Variants in STC2 observed in about 807,000 individuals in gnomAD.
STC2 encodes stanniocalcin-2.
STC2 carries 7 observed loss-of-function variants against 22.7 expected under a neutral mutation model. The ratio of observed to expected loss-of-function variants is 0.31; its 90% CI spans 0.18 to 0.58. The LOEUF (loss-of-function observed/expected upper bound fraction) is 0.58, where lower values mean the gene tolerates loss of function less well. Ranked by LOEUF, STC2 falls within the 20% of genes least tolerant of loss-of-function variation. The pLI, the probability that STC2 is intolerant of heterozygous loss-of-function variation, is 0.89. For missense variants in STC2, 336 were observed against 406.2 expected, an observed-to-expected ratio of 0.83 and a Z score of 1.48; for synonymous variants, 158 against 163.4, an observed-to-expected ratio of 0.97 and a Z score of 0.25.
chr5:173,320,234 T>TC (rs1762468058), intron 3 of STC2, among the ~76,000 whole-genome samples: 1 of 152,180 alleles, frequency 6.6e-6, no homozygotes, highest in African/African-American at 2.4e-5. Flanking sequence ...AGACTGTCTT[T>TC]CGCCTTCCCG....
rs1762514220 is a variant in STC2, at chr5:173,323,809, A to G, written c.295-379T>C. ...GAACACAAAGGGAATTTGGCCAGAC[A>G]CAAATCCATAAATCCCTCACGGTTC... is the stretch of plus-strand genomic sequence containing the variant. On this transcript the variant is annotated intron_variant, in intron 2 of 3. Transcript: ENST00000265087. The surrounding 1 kb of genome is among the most constrained non-coding windows in gnomAD (Gnocchi z 5.4). Among the ~76,000 whole-genome samples, 1 of 152,084 alleles carries G rather than the reference A, an allele frequency of 6.6e-6. No individual in the cohort carries two copies. The highest frequency in any genetic ancestry group is 1.9e-4 in the East Asian group (1 of 5,174).
intron 1 of STC2, chr5:173,326,750 T>G (rs1191514454): frequency 6.6e-6 from 1 of 152,098 alleles, no homozygotes; most frequent in Non-Finnish European, 1.5e-5. Flanking sequence ...GGAGGAAGCT[T>G]GCAGCCCTTC....
chr5:173,328,222 G>C lies in STC2; in HGVS notation c.-29C>G, dbSNP rs370613445. 1.8e-5 allele frequency: 26 copies of C among 1,432,056 alleles called. No homozygotes were observed. Among genetic ancestry groups the C allele is most frequent in the Non-Finnish European group, 2.1e-5 (23 of 1,083,432 alleles). The allele number at this position is 1,432,056 out of a possible 1,614,324, so 88.7% of individuals were successfully genotyped here. ...TCTTGGTATTAACCTCCCGTCGGGAGACCTGGATCCTTTGTGCTCCCCTCT... is the reference window on the plus strand; with the variant it reads ...TCTTGGTATTAACCTCCCGTCGGGACACCTGGATCCTTTGTGCTCCCCTCT... On this transcript the variant is annotated 5_prime_UTR_variant, in exon 1 of 4. Transcript: ENST00000265087.
intron 3 of STC2, 137 bp from the exon 4 acceptor site, chr5:173,318,386 C>G: frequency 1.1e-6 from 1 of 905,110 alleles, no homozygotes; most frequent in Non-Finnish European, 1.5e-6. Context: ...GTCTTGGGTT[C>G]GGTGGAAGAT....
At chr5:173,327,910 G>T in intron 1 of STC2, 133 bp downstream of exon 1, 2 of 1,202,894 alleles carry the variant, frequency 1.7e-6, no homozygotes, top group Non-Finnish European at 2.2e-6. Context: ...CCCTTTGCAC[G>T]TCCCGTGCCA....
Position 173,316,827 on chromosome 5 carries a change from G to A in STC2, c.*1020C>T, listed in dbSNP as rs1017621714. The A allele has an allele frequency of 7.2e-5, 11 of 152,196 alleles. No homozygotes were observed. The highest frequency in any genetic ancestry group is 2.4e-4 in the African/African-American group (10 of 41,436). 9.4% of individuals were successfully genotyped at this position (152,196 alleles called of 1,614,324 possible). A position where few individuals can be genotyped will look rare whatever the true frequency, so the allele number is the denominator to read the frequency against. On this transcript the variant is annotated 3_prime_UTR_variant, in exon 4 of 4. Transcript: ENST00000265087. Reference sequence around the variant, plus strand: ...ACCAATCTTGGCTGAGGGTCAAGGTGAGATAACGAAATCCTAAGGGAAATT... The same window carrying A: ...ACCAATCTTGGCTGAGGGTCAAGGTAAGATAACGAAATCCTAAGGGAAATT...
At position 173,316,211 on chromosome 5, in the gene STC2, C is replaced by G. The variant is rs1762418819; in HGVS notation, c.*1636G>C. 1 of 152,290 alleles carries G rather than the reference C, an allele frequency of 6.6e-6. No individual in the cohort carries two copies. Among genetic ancestry groups the G allele is most frequent in the Middle Eastern group, 3.4e-3 (1 of 294 alleles). 9.4% of individuals were successfully genotyped at this position (152,290 alleles called of 1,614,324 possible). The stretch of plus-strand genomic sequence containing the variant: ...TTAAATAAATCTTCCTGGAAGGGAG[C>G]CAAGCCCTCTCGTTTGTGTGTTGTC... On this transcript the variant is annotated 3_prime_UTR_variant, in exon 4 of 4. Coordinates refer to ENST00000265087, the MANE Select transcript of STC2 (RefSeq NM_003714.3).
In STC2 at chr5:173,318,021, G is replaced by A. The variant is rs780130118; in HGVS notation, c.735C>T (p.His245=). The A allele has an allele frequency of 1.2e-6, 2 of 1,612,658 alleles. No homozygotes were observed. Among genetic ancestry groups the A allele is most frequent in the Admixed American group, 3.3e-5 (2 of 60,010 alleles). The stretch of plus-strand genomic sequence containing the variant: ...TCTCCCTACTGCTGGGCTCTGGGAG[G>A]TGATGTCCTGCTTCCCCGTGGTGGG... ...SRAHHGEAGH[H]LPEPSSRETG... is the part of the protein sequence containing the mutation. Residue 245 remains histidine (H), a synonymous_variant, in exon 4 of 4, where the codon CAC becomes CAT. Transcript: ENST00000265087.
At chr5:173,327,954 T>C in intron 1 of STC2, 89 bp downstream of exon 1, 1 of 1,380,332 alleles carries the variant, frequency 7.2e-7, no homozygotes, top group Non-Finnish European at 9.4e-7. Context: ...GGTGGGCGCC[T>C]GGCTCCCGGC....
At position 173,325,461 on chromosome 5, in the gene STC2, G is replaced by A. The variant is rs906039252; in HGVS notation, c.294+407C>T. 6.6e-6 allele frequency among the ~76,000 whole-genome samples: 1 copy of A among 152,164 alleles called. No individual in the cohort carries two copies. Among genetic ancestry groups the A allele is most frequent in the African/African-American group, 2.4e-5 (1 of 41,434 alleles). On this transcript the variant is annotated intron_variant, in intron 2 of 3. Coordinates refer to ENST00000265087, the MANE Select transcript of STC2 (RefSeq NM_003714.3). The surrounding 1 kb of genome is among the most constrained non-coding windows in gnomAD (Gnocchi z 4.7). ...TCTTTTGGAGGTCCTGAGTTATTCG[G>A]GTTGGCTGCCCACACACCACATGAC...
chr5:173,320,045 T>G (rs948879035), intron 3 of STC2, among the ~76,000 whole-genome samples: 1 of 152,232 alleles, frequency 6.6e-6, no homozygotes, highest in Non-Finnish European at 1.5e-5. Context: ...GAGCTCAAGT[T>G]CACCGAGTGT....
At chr5:173,318,463 G>A (rs1192038687) in intron 3 of STC2, among the ~76,000 whole-genome samples, 1 of 152,166 alleles carries the variant, frequency 6.6e-6, no homozygotes, top group East Asian at 1.9e-4. Flanking sequence ...AACACTTATT[G>A]GGTGGCCACT....
At position 173,325,646 on chromosome 5, in the gene STC2, T is replaced by C. The variant is rs1193278348; in HGVS notation, c.294+222A>G. Among the ~76,000 whole-genome samples, 1 of 152,224 alleles carries C rather than the reference T, an allele frequency of 6.6e-6. No homozygotes were observed. The highest frequency in any genetic ancestry group is 1.5e-5 in the Non-Finnish European group (1 of 68,038). ...GTCCCCTTACAAGGTGTTTATCGTT[T>C]ATTATGACATTGGTCTCCAGTCCAC... On this transcript the variant is annotated intron_variant, in intron 2 of 3. Coordinates refer to ENST00000265087, the MANE Select transcript of STC2 (RefSeq NM_003714.3). This position sits in a 1 kb window ranked among gnomAD's most constrained non-coding sequence, Gnocchi z 4.7.
intron 2 of STC2, among the ~76,000 whole-genome samples, chr5:173,324,512 T>G (rs1762522697): frequency 2.6e-5 from 4 of 152,214 alleles, no homozygotes; most frequent in Admixed American, 2.6e-4. Context: ...TGTCTACAGA[T>G]AGCGTCTGAT....
At position 173,316,041 on chromosome 5, in the gene STC2, G is replaced by A. The variant is rs1338743498; in HGVS notation, c.*1806C>T. ...GAACAAGTCATTTTAGAGCAGATAC[G>A]CTTGGTTTCTTGGTGTCTGGCCTCA... On this transcript the variant is annotated 3_prime_UTR_variant, in exon 4 of 4. Coordinates refer to ENST00000265087, the MANE Select transcript of STC2 (RefSeq NM_003714.3). The A allele has an allele frequency of 1.3e-5, 2 of 152,278 alleles. No individual in the cohort carries two copies. Among genetic ancestry groups the A allele is most frequent in the Admixed American group, 6.5e-5 (1 of 15,292 alleles). 9.4% of individuals were successfully genotyped at this position (152,278 alleles called of 1,614,324 possible).
In STC2 at chr5:173,325,889, G is replaced by C. The variant is rs748039896; in HGVS notation, c.273C>G (p.Asn91Lys). 9 of 1,614,050 alleles carry C rather than the reference G, an allele frequency of 5.6e-6. No homozygotes were observed. The highest frequency in any genetic ancestry group is 6.8e-6 in the Non-Finnish European group (8 of 1,180,048). The change falls in exon 2 of 4, where the codon AAC becomes AAG. Residue 91 changes from asparagine to lysine, a missense_variant. Transcript: ENST00000265087. The surrounding 1 kb of genome is among the most constrained non-coding windows in gnomAD (Gnocchi z 4.7). ...LHGICMTFLH[N>K]AGKFDAQGKS... is the part of the protein sequence containing the mutation. ...TTACCTGGGCATCAAATTTTCCAGC[G>C]TTGTGCAGAAAAGTCATGCAAATCC...
intron 3 of STC2, among the ~76,000 whole-genome samples, chr5:173,322,666 T>G (rs1581139468): frequency 6.6e-6 from 1 of 152,314 alleles, no homozygotes. Flanking sequence ...GGCAGACTGC[T>G]CAGCAGACTG....
rs1252084929 is a variant in STC2, at chr5:173,323,577, C to CA, written c.295-148dup. 4.2e-5 allele frequency: 32 copies of CA among 768,968 alleles called. No individual in the cohort carries two copies. The highest frequency in any genetic ancestry group is 6.6e-5 in the Non-Finnish European group (31 of 472,450). 47.6% of individuals were successfully genotyped at this position (768,968 alleles called of 1,614,324 possible). A position where few individuals can be genotyped will look rare whatever the true frequency, so the allele number is the denominator to read the frequency against. Reference sequence around the variant, plus strand: ...GCCCCACCAGAGACGGACGTCCTCCCAGGTGACAGGCAATGCGACATCCGG... The same window carrying CA: ...GCCCCACCAGAGACGGACGTCCTCCCAAGGTGACAGGCAATGCGACATCCGG... On this transcript the variant is annotated intron_variant, in intron 2 of 3. Coordinates refer to ENST00000265087, the MANE Select transcript of STC2 (RefSeq NM_003714.3). The surrounding 1 kb of genome is among the most constrained non-coding windows in gnomAD (Gnocchi z 5.4).
rs1196208274 is a variant in STC2, at chr5:173,318,224, G to A, written c.532C>T (p.Leu178=). 6 of 1,504,268 alleles carry A rather than the reference G, an allele frequency of 4.0e-6. No individual in the cohort carries two copies. In the Admixed American group the frequency reaches 1.1e-4, roughly 28 times the overall value. The allele number at this position is 1,504,268 out of a possible 1,614,324, so 93.2% of individuals were successfully genotyped here. Residue 178 remains leucine, a synonymous_variant, in exon 4 of 4, where the codon CTG becomes TTG. Transcript: ENST00000265087. ...TTCACCTCCTCCCCACAGGTCAGCA[G>A]CAAGTTCACGAGGTCCACGTAGGGT... ...HEPYVDLVNL[L]LTCGEEVKEA...
Sources: gnomAD v4.1 joint callset for allele counts (sites outside exome capture counted in the v4.1 genomes callset) on GRCh38, gnomAD v4.1.1 for gene constraint, Gnocchi (gnomAD v3.1) non-coding constraint, MANE v1.5 for transcripts, NCBI Gene and HGNC (gene_info 2026-07-23, HGNC 2026-07-21) for gene names.